FBXL13: variants seen among roughly 807,000 people sequenced by gnomAD.
FBXL13 encodes the protein F-box and leucine rich repeat protein 13, also known as F-box and leucine-rich repeat protein 13.
Under a neutral mutation model 83.6 loss-of-function variants are expected in FBXL13, and 67 were observed. That is an observed-to-expected ratio of 0.80 (90% CI 0.66 to 0.98). The LOEUF (loss-of-function observed/expected upper bound fraction) is 0.98. Among genes scored for constraint, FBXL13 ranks in the 50% least tolerant of loss-of-function variants. FBXL13 has a pLI of 0.00. For synonymous variants in FBXL13, 272 were observed against 299.5 expected (o/e 0.91, Z 0.95); for missense variants, 822 against 866.5 (o/e 0.95, Z 0.64).
At chr7:102,957,329 C>A (rs1302325870) in intron 8 of FBXL13, among the ~76,000 whole-genome samples, 2 of 152,130 alleles carry the variant, frequency 1.3e-5, no homozygotes, top group African/African-American at 4.8e-5. Context: ...ATTGGCTAGC[C>A]ATATGCAGAA....
At chr7:103,012,981 A>C (rs748177508) in intron 6 of FBXL13, among the ~76,000 whole-genome samples, 5 of 152,248 alleles carry the variant, frequency 3.3e-5, no homozygotes, top group Non-Finnish European at 5.9e-5. Context: ...ATAAAAAGGC[A>C]GGGGCTGCTA....
intron 6 of FBXL13, among the ~76,000 whole-genome samples, chr7:103,005,623 T>C (rs1206958762): frequency 6.6e-6 from 1 of 152,220 alleles, no homozygotes; most frequent in African/African-American, 2.4e-5. Flanking sequence ...CACCTTCTCA[T>C]TGCATCCTCA....
chr7:102,926,229 G>T, intron 10 of FBXL13, 45 bp downstream of exon 11: 1 of 1,540,784 alleles, frequency 6.5e-7, no homozygotes, highest in Non-Finnish European at 8.9e-7. Context: ...AGAGACTTTG[G>T]GAGCATAATT....
intron 6 of FBXL13, among the ~76,000 whole-genome samples, chr7:102,971,862 C>A (rs944665316): frequency 6.6e-6 from 1 of 151,630 alleles, no homozygotes; most frequent in Non-Finnish European, 1.5e-5. Context: ...CCCATCTCTA[C>A]TAAAAATACA....
chr7:102,987,713 A>G (rs1201498665), intron 6 of FBXL13, among the ~76,000 whole-genome samples: 1 of 152,246 alleles, frequency 6.6e-6, no homozygotes, highest in Non-Finnish European at 1.5e-5. Flanking sequence ...TGGGACGTGG[A>G]GAATTTTTTT....
rs532677903 is a variant in FBXL13, at chr7:103,074,318, T to C, written c.-177A>G. The C allele has an allele frequency of 4.9e-6, 5 of 1,021,280 alleles. No homozygotes were observed. In the South Asian group the frequency reaches 1.1e-4, roughly 23 times the overall value. The allele number at this position is 1,021,280 out of a possible 1,614,324, so 63.3% of individuals were successfully genotyped here. On this transcript the variant is annotated 5_prime_UTR_variant, in exon 1 of 20. Coordinates refer to ENST00000313221, the Ensembl canonical transcript of FBXL13. ...CTACTTCTGACAACATTCTTCATAA[T>C]GCCAGTCTGCTGATTTTCCTCCTCA...
In FBXL13 at chr7:102,965,078, C is replaced by T. The variant is rs188732177; in HGVS notation, c.592-1413G>A. Among the ~76,000 whole-genome samples, 270 of 152,278 alleles carry T rather than the reference C, an allele frequency of 1.8e-3. 1 individual carries two copies. The highest frequency in any genetic ancestry group is 2.5e-3 in the Non-Finnish European group (171 of 68,026). Reference sequence around the variant, plus strand: ...GGACCCGAACCCTTCATGAACATTACTCGTTAATGCCAAGCATTTTATGAG... The same window carrying T: ...GGACCCGAACCCTTCATGAACATTATTCGTTAATGCCAAGCATTTTATGAG... On this transcript the variant is annotated intron_variant, in intron 7 of 19. Coordinates refer to ENST00000313221, the Ensembl canonical transcript of FBXL13.
rs375104478 is a variant in FBXL13, at chr7:103,042,625, T to C, written c.-1+13019A>G. On this transcript the variant is annotated intron_variant, in intron 2 of 19. Coordinates refer to ENST00000313221, the Ensembl canonical transcript of FBXL13. ...TGGTACTGGTACCAAAACAGATATA[T>C]AGACCAATGGAACAGAATAGAGACC... Among the ~76,000 whole-genome samples the C allele has an allele frequency of 2.0e-5, 3 of 152,272 alleles. No homozygotes were observed. In the East Asian group the frequency reaches 5.8e-4, roughly 29 times the overall value.
chr7:103,015,344 G>A (rs1792161762), intron 6 of FBXL13, among the ~76,000 whole-genome samples: 1 of 152,128 alleles, frequency 6.6e-6, no homozygotes, highest in Non-Finnish European at 1.5e-5. Context: ...CCTAGCAAGA[G>A]AAATCAGGCA....
At chr7:102,987,157 A>T (rs560833354) in intron 6 of FBXL13, among the ~76,000 whole-genome samples, 1 of 152,230 alleles carries the variant, frequency 6.6e-6, no homozygotes, top group Non-Finnish European at 1.5e-5. Flanking sequence ...TCTGAAAGGG[A>T]GAGGGCGAGA....
At chr7:103,067,325 G>A (rs985908626) in intron 1 of FBXL13, among the ~76,000 whole-genome samples, 4 of 152,126 alleles carry the variant, frequency 2.6e-5, no homozygotes, top group Admixed American at 6.5e-5. Context: ...GGAGATAATC[G>A]TATTTGAAAG....
intron 6 of FBXL13, among the ~76,000 whole-genome samples, chr7:103,022,275 A>C (rs1310016363): frequency 6.6e-6 from 1 of 151,454 alleles, no homozygotes; most frequent in East Asian, 1.9e-4. Context: ...GTGGGAATGG[A>C]ACAATGAGAA....
chr7:102,844,494 G>T (rs1286215099), intron 17 of FBXL13, among the ~76,000 whole-genome samples: 1 of 152,208 alleles, frequency 6.6e-6, no homozygotes, highest in Non-Finnish European at 1.5e-5. Flanking sequence ...GAGTGGGAGA[G>T]AGAATGCCTA....
At chr7:103,074,316 A>C (rs1799403614) in exon 1 of FBXL13, 5 of 1,017,888 alleles carry the variant, frequency 4.9e-6, no homozygotes, top group Non-Finnish European at 5.9e-6. Flanking sequence ...CATTCTTCAT[A>C]ATGCCAGTCT....
At chr7:102,961,967 A>C (rs13246925) in intron 8 of FBXL13, among the ~76,000 whole-genome samples, 2,409 of 149,774 alleles carry the variant, frequency 0.016, 20 homozygotes, top group South Asian at 0.024. Context: ...AATGGCAACA[A>C]AAGACAAAAT....
At chr7:102,923,725 G>A (rs1355435032) in intron 10 of FBXL13, among the ~76,000 whole-genome samples, 1 of 152,076 alleles carries the variant, frequency 6.6e-6, no homozygotes, top group East Asian at 1.9e-4. Flanking sequence ...TCAGGAGGCT[G>A]AGGCAGGAGA....
intron 17 of FBXL13, among the ~76,000 whole-genome samples, chr7:102,852,991 T>G (rs1805493167): frequency 6.6e-6 from 1 of 152,212 alleles, no homozygotes; most frequent in African/African-American, 2.4e-5. Flanking sequence ...GGAATACTAT[T>G]CAGCCATAAA....
intron 8 of FBXL13, among the ~76,000 whole-genome samples, chr7:102,962,033 A>G (rs201126555): frequency 6.6e-6 from 1 of 150,918 alleles, no homozygotes; most frequent in African/African-American, 2.5e-5. Context: ...AGAAACTACC[A>G]TCAGAGTGAA....
intron 4 of FBXL13, 33 bp downstream of exon 5, chr7:103,028,567 A>G (rs779847687): frequency 2.1e-6 from 3 of 1,446,590 alleles, no homozygotes; most frequent in Non-Finnish European, 2.8e-6. Flanking sequence ...ATAAATGGAT[A>G]CAAAAAGTAA....
Sources: gnomAD v4.1 joint callset for allele counts (sites outside exome capture counted in the v4.1 genomes callset) on GRCh38, gnomAD v4.1.1 for gene constraint, MANE v1.5 for transcripts, NCBI Gene and HGNC (gene_info 2026-07-23, HGNC 2026-07-21) for gene names.